ZNF100: variants seen among roughly 807,000 people sequenced by gnomAD.
The protein encoded by ZNF100 is zinc finger protein 100 (Y1).
In ZNF100, 12 loss-of-function variants were observed where a neutral mutation model predicts 15.8. That is an observed-to-expected ratio of 0.76 (90% confidence interval 0.49 to 1.23). The LOEUF (loss-of-function observed/expected upper bound fraction) is 1.23. Ranked by LOEUF, ZNF100 falls within the 50% of genes most tolerant of loss-of-function variation. ZNF100 has a pLI of 0.00. For synonymous variants in ZNF100, 226 were observed against 214.8 expected, an observed-to-expected ratio of 1.05 and a Z score of -0.45; for missense variants, 670 against 635.6, an observed-to-expected ratio of 1.05 and a Z score of -0.58.
At chr19:21,752,958 G>C (rs148103306) in intron 2 of ZNF100, 1 of 152,142 alleles carries the variant, frequency 6.6e-6, no homozygotes, top group Admixed American at 6.5e-5. Flanking sequence ...CTCTAGCCTC[G>C]GCCACACGAG....
At chr19:21,737,854 G>A (rs2036036048) in intron 4 of ZNF100, among the ~76,000 whole-genome samples, 2 of 152,240 alleles carry the variant, frequency 1.3e-5, no homozygotes, top group Admixed American at 1.3e-4. Context: ...AAGAAAAGTA[G>A]GAACTCCTCC....
rs2036584998 is a variant in ZNF100, at chr19:21,767,495, C to T, written c.-66G>A. The stretch of plus-strand genomic sequence containing the variant: ...CTCCCAATATCTGCAGGTCAGAGGG[C>T]CACACAGGCTAGGCCCCTAGGAGCA... On this transcript the variant is annotated 5_prime_UTR_variant, in exon 1 of 5. Coordinates refer to ENST00000358296, the MANE Select transcript of ZNF100 (RefSeq NM_173531.4). 6.2e-7 allele frequency: 1 copy of T among 1,610,648 alleles called. No individual in the cohort carries two copies. Among genetic ancestry groups the T allele is most frequent in the Non-Finnish European group, 8.5e-7 (1 of 1,177,520 alleles).
In ZNF100 at chr19:21,756,490, C is replaced by CCACACA. The variant is rs36010088; in HGVS notation, c.96+9198_96+9203dup. On this transcript the variant is annotated intron_variant, in intron 2 of 4. Transcript: ENST00000358296. The stretch of plus-strand genomic sequence containing the variant: ...AAAAACATAATGCCATTCACAATTG[C>CCACACA]CACACACACACACACACAAATATCG... Among the ~76,000 whole-genome samples the CCACACA allele has an allele frequency of 1.3e-3, 200 of 150,474 alleles. 2 individuals carry two copies. Among genetic ancestry groups the CCACACA allele is most frequent in the Admixed American group, 9.1e-3 (137 of 15,064 alleles).
rs542904266 is a variant in ZNF100, at chr19:21,751,324, C to T, written c.97-6257G>A. ...TAAAGAACAGAGATGCAAACAGATC[C>T]CTGGATATTTTTGATGAGAGATCAC... On this transcript the variant is annotated intron_variant, in intron 2 of 4. Transcript: ENST00000358296. 77 of 889,526 alleles carry T rather than the reference C, an allele frequency of 8.7e-5. 1 individual carries two copies. The African/African-American group carries it at 1.1e-3, about 13-fold the overall frequency. The allele number at this position is 889,526 out of a possible 1,614,324, so 55.1% of individuals were successfully genotyped here.
intron 4 of ZNF100, 132 bp from the exon 5 acceptor site, chr19:21,728,121 C>T: frequency 1.3e-6 from 1 of 742,588 alleles, no homozygotes; most frequent in Non-Finnish European, 1.9e-6. Flanking sequence ...CCTTTATAGA[C>T]ATATAAATGT....
At chr19:21,753,360 G>C (rs2036341286) in intron 2 of ZNF100, 1 of 152,154 alleles carries the variant, frequency 6.6e-6, no homozygotes, top group African/African-American at 2.4e-5. Context: ...GATTACTTGA[G>C]CGCAGCAGTT....
At chr19:21,760,883 A>ACTT in intron 2 of ZNF100, among the ~76,000 whole-genome samples, 1 of 150,480 alleles carries the variant, frequency 6.6e-6, no homozygotes, top group Non-Finnish European at 1.5e-5. Flanking sequence ...CAGCCTCCCG[A>ACTT]GTAGCTGGGA....
intron 2 of ZNF100, among the ~76,000 whole-genome samples, chr19:21,759,093 C>T (rs2036438317): frequency 6.6e-6 from 1 of 152,172 alleles, no homozygotes; most frequent in Non-Finnish European, 1.5e-5. Context: ...AGTCTCATAA[C>T]ATTGCCCTCT....
Position 21,726,413 on chromosome 19 carries a change from C to A in ZNF100, c.*270G>T, listed in dbSNP as rs947297312. 10 of 394,614 alleles carry A rather than the reference C, an allele frequency of 2.5e-5. No homozygotes were observed. Among genetic ancestry groups the A allele is most frequent in the Non-Finnish European group, 3.1e-5 (7 of 222,282 alleles). The allele number at this position is 394,614 out of a possible 1,614,324, so 24.4% of individuals were successfully genotyped here. A position where few individuals can be genotyped will look rare whatever the true frequency, so the allele number is the denominator to read the frequency against. On this transcript the variant is annotated 3_prime_UTR_variant, in exon 5 of 5. Transcript: ENST00000358296. Reference sequence around the variant, plus strand: ...CCTTACCTACAATCAAGTGTGACAACCATTTAAAACTTTATCACATTCTTC... The same window carrying A: ...CCTTACCTACAATCAAGTGTGACAAACATTTAAAACTTTATCACATTCTTC...
intron 2 of ZNF100, among the ~76,000 whole-genome samples, chr19:21,758,413 G>A (rs968516327): frequency 3.2e-4 from 48 of 152,276 alleles, no homozygotes; most frequent in Non-Finnish European, 5.0e-4. Flanking sequence ...ACATGTACAC[G>A]TGTAGAAAAA....
chr19:21,724,925 C>A lies in ZNF100; in HGVS notation c.*1758G>T, dbSNP rs1490834839. 6.6e-6 allele frequency: 1 copy of A among 152,020 alleles called. No individual in the cohort carries two copies. Among genetic ancestry groups the A allele is most frequent in the Non-Finnish European group, 1.5e-5 (1 of 68,018 alleles). The allele number at this position is 152,020 out of a possible 1,614,324, so 9.4% of individuals were successfully genotyped here. A position where few individuals can be genotyped will look rare whatever the true frequency, so the allele number is the denominator to read the frequency against. ...AATTAGCTGGGCATGGTGGTGGGTG[C>A]CTGTAATCCCAGCTACTTAGGAGGC... On this transcript the variant is annotated 3_prime_UTR_variant, in exon 5 of 5. Coordinates refer to ENST00000358296, the MANE Select transcript of ZNF100 (RefSeq NM_173531.4).
At chr19:21,747,025 G>A (rs1255328103) in intron 2 of ZNF100, 1 of 152,164 alleles carries the variant, frequency 6.6e-6, no homozygotes, top group African/African-American at 2.4e-5. Context: ...TTATAACAGA[G>A]GAGATTCAGG....
intron 4 of ZNF100, among the ~76,000 whole-genome samples, chr19:21,734,602 G>T (rs1166853991): frequency 6.6e-6 from 1 of 152,114 alleles, no homozygotes; most frequent in Non-Finnish European, 1.5e-5. Context: ...ACTAAAGAGA[G>T]GGAAAGAATG....
At chr19:21,734,836 C>G (rs2035980735) in intron 4 of ZNF100, among the ~76,000 whole-genome samples, 1 of 152,006 alleles carries the variant, frequency 6.6e-6, no homozygotes, top group South Asian at 2.1e-4. Flanking sequence ...GAAAGGGAAG[C>G]CCATCAGAGT....
chr19:21,726,955 C>CA lies in ZNF100; in HGVS notation c.1356dup (p.Gly453TrpfsTer8), dbSNP rs768269272. ...TCGTCACATTTGTAGGGTTTCTCTC[C>CA]AGTATGAATCATCTTATGGGTAGTA... On this transcript the variant is annotated frameshift_variant, in exon 5 of 5. Coordinates refer to ENST00000358296, the MANE Select transcript of ZNF100 (RefSeq NM_173531.4). LOFTEE classifies it low-confidence loss of function (END_TRUNC). 6.2e-7 allele frequency: 1 copy of CA among 1,611,422 alleles called. No homozygotes were observed. The highest frequency in any genetic ancestry group is 1.7e-5 in the Admixed American group (1 of 59,884).
At chr19:21,739,569 C>T (rs2036072136) in intron 4 of ZNF100, among the ~76,000 whole-genome samples, 1 of 152,152 alleles carries the variant, frequency 6.6e-6, no homozygotes, top group African/African-American at 2.4e-5. Flanking sequence ...ATGACAACAA[C>T]AAATAAATTT....
At chr19:21,730,220 A>G (rs2035888134) in intron 4 of ZNF100, among the ~76,000 whole-genome samples, 1 of 152,034 alleles carries the variant, frequency 6.6e-6, no homozygotes, top group African/African-American at 2.4e-5. Flanking sequence ...CCTTTCTACG[A>G]CAGTAAGCTG....
chr19:21,727,769 TG>T lies in ZNF100; in HGVS notation c.542del (p.Pro181HisfsTer17). 1.2e-6 allele frequency: 2 copies of T among 1,613,938 alleles called. No individual in the cohort carries two copies. The highest frequency in any genetic ancestry group is 1.7e-6 in the Non-Finnish European group (2 of 1,179,888). Reference sequence around the variant, plus strand: ...AAAATGTATGAAAGACTTTTGCAGATGGATCACATTGAAATATGTTGCTCTG... The same window carrying T: ...AAAATGTATGAAAGACTTTTGCAGATGATCACATTGAAATATGTTGCTCTG... The part of the protein sequence containing the change: ...TTQSNIFQCD[P>X]SAKVFHTFSN... On this transcript the variant is annotated frameshift_variant, in exon 5 of 5. Transcript: ENST00000358296. LOFTEE classifies it low-confidence loss of function (END_TRUNC).
At chr19:21,743,303 C>T (rs2036151916) in intron 4 of ZNF100, 1 of 152,094 alleles carries the variant, frequency 6.6e-6, no homozygotes, top group African/African-American at 2.4e-5. Flanking sequence ...TATTTCATGT[C>T]CATGGATTGA....
Sources: gnomAD v4.1 joint callset for allele counts (sites outside exome capture counted in the v4.1 genomes callset) on GRCh38, gnomAD v4.1.1 for gene constraint, MANE v1.5 for transcripts, NCBI Gene and HGNC (gene_info 2026-07-23, HGNC 2026-07-21) for gene names.